TTLL11: variants seen among roughly 807,000 people sequenced by gnomAD.
TTLL11 encodes the protein tubulin tyrosine ligase like 11.
In TTLL11, 42 loss-of-function variants were observed where a neutral mutation model predicts 51.7. The observed-to-expected ratio is 0.81, with a 90% CI of 0.64 to 1.05. The LOEUF is 1.05. TTLL11 is among the 50% of genes least tolerant of loss of function. The probability of loss-of-function intolerance (pLI) is 0.00; values close to 1 mark genes in which losing one functional copy is unlikely to be tolerated. For missense variants in TTLL11, 799 were observed against 940.4 expected, an observed-to-expected ratio of 0.85 and a Z score of 1.97; for synonymous variants, 381 against 383.5, an observed-to-expected ratio of 0.99 and a Z score of 0.08.
intron 3 of TTLL11, among the ~76,000 whole-genome samples, chr9:122,012,434 G>C (rs145440898): frequency 3.7e-4 from 56 of 151,382 alleles, no homozygotes; most frequent in Admixed American, 7.9e-4. Context: ...CCATTAGAGA[G>C]AGAGAGAAAA....
intron 3 of TTLL11, among the ~76,000 whole-genome samples, chr9:122,017,123 G>A (rs778296116): frequency 3.3e-5 from 5 of 152,082 alleles, no homozygotes; most frequent in African/African-American, 7.2e-5. Flanking sequence ...CAGGTTTTCC[G>A]TTGTTTTACA....
chr9:122,002,085 T>G (rs77451705), intron 3 of TTLL11, among the ~76,000 whole-genome samples: 1,809 of 152,298 alleles, frequency 0.012, 31 homozygotes, highest in African/African-American at 0.041. Context: ...TTTCCCCAAC[T>G]TTCATTTCAA....
intron 8 of TTLL11, among the ~76,000 whole-genome samples, chr9:121,843,551 G>GA (rs963641665): frequency 5.9e-5 from 9 of 152,070 alleles, no homozygotes; most frequent in Non-Finnish European, 1.3e-4. Context: ...AAAGATTAGA[G>GA]AAAATCTTCT....
chr9:121,905,374 C>T (rs540552981), intron 6 of TTLL11, among the ~76,000 whole-genome samples: 1 of 147,834 alleles, frequency 6.8e-6, no homozygotes, highest in South Asian at 2.1e-4. Context: ...TTTTTTGAGA[C>T]AGAGTCTTGC....
chr9:122,047,788 A>G (rs1238411690), intron 1 of TTLL11, among the ~76,000 whole-genome samples: 1 of 152,098 alleles, frequency 6.6e-6, no homozygotes, highest in Non-Finnish European at 1.5e-5. Context: ...TAGTTATTTC[A>G]TGTGTAATCC....
intron 6 of TTLL11, among the ~76,000 whole-genome samples, chr9:121,887,359 G>T (rs1839048101): frequency 6.6e-6 from 1 of 152,112 alleles, no homozygotes; most frequent in South Asian, 2.1e-4. Context: ...TCTGAAATTG[G>T]TCCCTCTAAA....
intron 3 of TTLL11, among the ~76,000 whole-genome samples, chr9:122,005,259 C>T (rs1407723979): frequency 6.6e-6 from 1 of 152,132 alleles, no homozygotes; most frequent in African/African-American, 2.4e-5. Context: ...TCTCTCAGGT[C>T]CTTTCCAACC....
chr9:122,081,508 C>T (rs187304740), intron 1 of TTLL11, among the ~76,000 whole-genome samples: 5 of 152,274 alleles, frequency 3.3e-5, no homozygotes, highest in African/African-American at 1.2e-4. Flanking sequence ...ATGAAATCTA[C>T]CATACTTACT....
intron 3 of TTLL11, among the ~76,000 whole-genome samples, chr9:122,003,511 G>A (rs1843548449): frequency 7.6e-6 from 1 of 131,190 alleles, no homozygotes; most frequent in African/African-American, 2.9e-5. Context: ...TTGAGATGGA[G>A]TCTCGCATTG....
intron 6 of TTLL11, among the ~76,000 whole-genome samples, chr9:121,925,050 C>G (rs962429371): frequency 6.6e-6 from 1 of 152,152 alleles, no homozygotes. Context: ...GCGAGGAGAA[C>G]AGGCTCAGCT....
chr9:121,901,507 T>C (rs1839773446), intron 6 of TTLL11, among the ~76,000 whole-genome samples: 1 of 152,188 alleles, frequency 6.6e-6, no homozygotes, highest in Non-Finnish European at 1.5e-5. Context: ...ATAAGTATTC[T>C]GTTTTTCAAG....
At position 121,870,663 on chromosome 9, in the gene TTLL11, G is replaced by T; in HGVS notation, c.1567C>A (p.Pro523Thr). ...CAAATGGAAGGCAGGTGGGCTTCGGGGTTGGCGTTGCAGTCTGGAGCACTG... is the reference window on the plus strand; with the variant it reads ...CAAATGGAAGGCAGGTGGGCTTCGGTGTTGGCGTTGCAGTCTGGAGCACTG... ...LTSAPDCNAN[P>T]EAHLPSICLK... The change falls in exon 7 of 9, where the codon CCC becomes ACC. Residue 523 changes from proline (P) to threonine (T), a missense_variant. This residue lies in a region of TTLL11 where 468 missense variants were observed against 612.8 expected (regional missense o/e 0.76). Coordinates refer to ENST00000321582, the MANE Select transcript of TTLL11 (RefSeq NM_001139442.2). The T allele has an allele frequency of 6.4e-7, 1 of 1,551,714 alleles. No individual in the cohort carries two copies. Among genetic ancestry groups the T allele is most frequent in the Non-Finnish European group, 8.7e-7 (1 of 1,147,000 alleles).
intron 1 of TTLL11, among the ~76,000 whole-genome samples, chr9:122,070,516 CAG>C (rs34495475): frequency 0.2 from 30,391 of 151,944 alleles, 3,385 homozygotes; most frequent in Non-Finnish European, 0.24. Context: ...AGTTGTCATC[CAG>C]AGTCTCCTTT....
In TTLL11 at chr9:122,044,801, C is replaced by T. The variant is rs181816523; in HGVS notation, c.463-5433G>A. ...AAAATCATAAGAAACTGCTTCATAC[C>T]CATTAGGATAACTATTATCAAAAAC... On this transcript the variant is annotated intron_variant, in intron 1 of 8. Transcript: ENST00000321582. Among the ~76,000 whole-genome samples, 12 of 152,130 alleles carry T rather than the reference C, an allele frequency of 7.9e-5. 1 individual carries two copies. Among genetic ancestry groups the T allele is most frequent in the African/African-American group, 2.9e-4 (12 of 41,504 alleles).
intron 8 of TTLL11, among the ~76,000 whole-genome samples, chr9:121,844,843 T>G (rs568313680): frequency 6.7e-6 from 1 of 148,880 alleles, no homozygotes; most frequent in Admixed American, 6.6e-5. Flanking sequence ...AAAAAAATAC[T>G]GAAAAAAAGG....
intron 8 of TTLL11, among the ~76,000 whole-genome samples, chr9:121,836,302 A>G (rs1243864238): frequency 6.6e-6 from 1 of 152,096 alleles, no homozygotes; most frequent in African/African-American, 2.4e-5. Context: ...AGGGCAGATA[A>G]AGCATGATTT....
chr9:121,986,432 T>C (rs1842943468), intron 4 of TTLL11, among the ~76,000 whole-genome samples: 2 of 152,236 alleles, frequency 1.3e-5, no homozygotes, highest in South Asian at 2.1e-4. Flanking sequence ...CGTGTCCACG[T>C]TGCAACTTAT....
intron 8 of TTLL11, among the ~76,000 whole-genome samples, chr9:121,846,054 AC>A (rs1490553453): frequency 8.5e-6 from 1 of 117,652 alleles, no homozygotes; most frequent in Admixed American, 7.9e-5. Flanking sequence ...TGTAAAAACA[AC>A]AAAAAAAAGA....
intron 4 of TTLL11, among the ~76,000 whole-genome samples, chr9:121,977,743 CGG>C (rs2131666146): frequency 6.6e-6 from 1 of 151,150 alleles, no homozygotes; most frequent in Non-Finnish European, 1.5e-5. Context: ...GGCACCATCT[CGG>C]CTCACTGCAA....
Sources: gnomAD v4.1 joint callset for allele counts (sites outside exome capture counted in the v4.1 genomes callset) on GRCh38, gnomAD v4.1.1 for gene constraint, gnomAD v4.1.1 regional missense constraint, MANE v1.5 for transcripts, NCBI Gene and HGNC (gene_info 2026-07-23, HGNC 2026-07-21) for gene names.